Variants in RPIA observed in about 807,000 individuals in gnomAD.
RPIA encodes the protein ribose-5-phosphate isomerase.
RPIA carries 29 observed loss-of-function variants against 37.8 expected under a neutral mutation model. The observed-to-expected ratio is 0.77, with a 90% CI of 0.57 to 1.05. The LOEUF is 1.05. Among genes scored for constraint, RPIA ranks in the 50% least tolerant of loss-of-function variants. The pLI is 0.00. For missense variants in RPIA, 385 were observed against 413.6 expected (o/e 0.93, Z 0.60); for synonymous variants, 167 against 157.0 (o/e 1.06, Z -0.48).
intron 3 of RPIA, among the ~76,000 whole-genome samples, chr2:88,727,098 CGCGCGCATGTGT>C (rs1434259637): frequency 4.7e-5 from 7 of 148,728 alleles, no homozygotes; most frequent in African/African-American, 7.7e-5. Context: ...TGTGTGTGTG[CGCGCGCATGTGT>C]GCGCGTGCAT....
chr2:88,736,403 C>T (rs1057466626), intron 6 of RPIA, 132 bp from the exon 7 acceptor site: 4 of 800,766 alleles, frequency 5.0e-6, no homozygotes, highest in Non-Finnish European at 6.3e-6. Context: ...TCATTTGTAG[C>T]CCCATGTATA....
intron 1 of RPIA, among the ~76,000 whole-genome samples, chr2:88,696,113 G>C (rs545994025): frequency 1.3e-5 from 2 of 152,164 alleles, no homozygotes; most frequent in African/African-American, 4.8e-5. Flanking sequence ...TTGTCCTGAG[G>C]GCCCTTCAGG....
At chr2:88,747,652 T>C (rs1172467677) in intron 8 of RPIA, among the ~76,000 whole-genome samples, 1 of 152,212 alleles carries the variant, frequency 6.6e-6, no homozygotes, top group Non-Finnish European at 1.5e-5. Context: ...CTCTTCCTGC[T>C]GCTGCTTCTA....
intron 3 of RPIA, among the ~76,000 whole-genome samples, chr2:88,723,770 A>G (rs1178090459): frequency 1.3e-5 from 2 of 152,134 alleles, no homozygotes; most frequent in African/African-American, 4.8e-5. Context: ...GGAGGTCCTG[A>G]CGACATGTGC....
At chr2:88,721,945 T>C (rs1338249945) in intron 3 of RPIA, among the ~76,000 whole-genome samples, 1 of 151,416 alleles carries the variant, frequency 6.6e-6, no homozygotes, top group East Asian at 1.9e-4. Context: ...TTATAATTTG[T>C]GTTTAATTAT....
chr2:88,727,084 C>CGTGT (rs59619042), intron 3 of RPIA, among the ~76,000 whole-genome samples: 9,192 of 151,946 alleles, frequency 0.06, 486 homozygotes, highest in African/African-American at 0.14. Flanking sequence ...TGTGTGCGTG[C>CGTGT]GTGTGTGTGT....
At chr2:88,708,517 C>G (rs1198665657) in intron 3 of RPIA, among the ~76,000 whole-genome samples, 1 of 152,098 alleles carries the variant, frequency 6.6e-6, no homozygotes, top group Non-Finnish European at 1.5e-5. Flanking sequence ...TAAAAAGAAT[C>G]TTTTATTAAT....
chr2:88,700,183 G>A (rs1672810937), intron 3 of RPIA, 119 bp downstream of exon 3: 2 of 907,416 alleles, frequency 2.2e-6, no homozygotes, highest in South Asian at 1.3e-5. Context: ...GAGAGTCCAG[G>A]AATAGGAGAG....
At position 88,735,739 on chromosome 2, in the gene RPIA, TAC is replaced by T. The variant is rs761749047; in HGVS notation, c.596+4_596+5del. ...CTTCATCGTGATCGCTGATTTCAGG[TAC>T]AGTTTCTGGTGTCTGAGCTGCCAAC... On this transcript the variant is annotated splice_donor_region_variant and intron_variant, in intron 6 of 8. Transcript: ENST00000283646. 14 of 1,613,772 alleles carry T rather than the reference TAC, an allele frequency of 8.7e-6. No individual in the cohort carries two copies. In the African/African-American group the frequency reaches 1.1e-4, roughly 12 times the overall value.
intron 3 of RPIA, among the ~76,000 whole-genome samples, chr2:88,716,522 C>A (rs914137123): frequency 1.3e-5 from 2 of 152,146 alleles, no homozygotes; most frequent in Non-Finnish European, 2.9e-5. Flanking sequence ...AAGTTTGATC[C>A]TGTGTTTTTA....
chr2:88,741,535 G>T (rs891394842), intron 8 of RPIA, among the ~76,000 whole-genome samples: 4 of 152,202 alleles, frequency 2.6e-5, no homozygotes, highest in African/African-American at 9.7e-5. Flanking sequence ...CTATCAACAT[G>T]TGTGTACAAA....
intron 3 of RPIA, among the ~76,000 whole-genome samples, chr2:88,712,488 A>G (rs1468772165): frequency 6.6e-6 from 1 of 152,178 alleles, no homozygotes; most frequent in East Asian, 1.9e-4. Flanking sequence ...TGGAAGATGA[A>G]CATTTGCTTA....
intron 8 of RPIA, among the ~76,000 whole-genome samples, chr2:88,747,928 G>A (rs983780664): frequency 3.3e-5 from 5 of 152,314 alleles, no homozygotes; most frequent in South Asian, 4.1e-4. Flanking sequence ...AGTTCACAAT[G>A]TGTGTCTCCA....
intron 7 of RPIA, among the ~76,000 whole-genome samples, chr2:88,737,260 T>C (rs974790107): frequency 4.6e-5 from 7 of 152,168 alleles, no homozygotes; most frequent in Admixed American, 2.0e-4. Flanking sequence ...AAGACAGCAA[T>C]CCAGAAGCTA....
At chr2:88,713,078 C>G (rs1308342312) in intron 3 of RPIA, among the ~76,000 whole-genome samples, 7 of 126,892 alleles carry the variant, frequency 5.5e-5, no homozygotes, top group Non-Finnish European at 1.1e-4. Context: ...ACTATGTTGG[C>G]CATGACGTTT....
intron 3 of RPIA, among the ~76,000 whole-genome samples, chr2:88,719,937 T>A (rs933365858): frequency 3.3e-5 from 5 of 152,192 alleles, no homozygotes; most frequent in African/African-American, 1.2e-4. Flanking sequence ...AAACTGAACT[T>A]ATTTTATCTC....
chr2:88,727,185 C>T (rs934801921), intron 3 of RPIA, among the ~76,000 whole-genome samples: 4 of 152,216 alleles, frequency 2.6e-5, no homozygotes, highest in African/African-American at 7.2e-5. Flanking sequence ...CCCTCTGCAG[C>T]GTTCTCTGTA....
At position 88,750,600 on chromosome 2, in the gene RPIA, A is replaced by T; in HGVS notation, c.*522A>T. On this transcript the variant is annotated 3_prime_UTR_variant, in exon 9 of 9. Coordinates refer to ENST00000283646, the MANE Select transcript of RPIA (RefSeq NM_144563.3). ...ACACATAGTACCTAGTTACATCTTA[A>T]GATCAGGTTTATAAAACTGTGGAGT... The T allele has an allele frequency of 2.5e-6, 1 of 406,478 alleles. No homozygotes were observed. Among genetic ancestry groups the T allele is most frequent in the South Asian group, 1.1e-4 (1 of 9,088 alleles). 25.2% of individuals were successfully genotyped at this position (406,478 alleles called of 1,614,324 possible). A position where few individuals can be genotyped will look rare whatever the true frequency, so the allele number is the denominator to read the frequency against.
chr2:88,691,684 G>T lies in RPIA; in HGVS notation c.-15G>T. On this transcript the variant is annotated 5_prime_UTR_variant, in exon 1 of 9. Coordinates refer to ENST00000283646, the MANE Select transcript of RPIA (RefSeq NM_144563.3). Reference sequence around the variant, plus strand: ...GGGGGCGGGACTTCAGCGGAGGCCGGAGCGAGGCGTCGGGATGCAGCGCCC... The same window carrying T: ...GGGGGCGGGACTTCAGCGGAGGCCGTAGCGAGGCGTCGGGATGCAGCGCCC... 6.4e-7 allele frequency: 1 copy of T among 1,568,716 alleles called. No individual in the cohort carries two copies. Among genetic ancestry groups the T allele is most frequent in the South Asian group, 1.2e-5 (1 of 85,752 alleles).
Sources: gnomAD v4.1 joint callset for allele counts (sites outside exome capture counted in the v4.1 genomes callset) on GRCh38, gnomAD v4.1.1 for gene constraint, MANE v1.5 for transcripts, NCBI Gene and HGNC (gene_info 2026-07-23, HGNC 2026-07-21) for gene names.